LINGO2: variants seen among roughly 807,000 people sequenced by gnomAD.
The protein encoded by LINGO2 is leucine rich repeat and Ig domain containing 2.
In LINGO2, 14 loss-of-function variants were observed where a neutral mutation model predicts 30.6. The ratio of observed to expected loss-of-function variants is 0.46; its 90% CI spans 0.30 to 0.72. The LOEUF (loss-of-function observed/expected upper bound fraction) is 0.72, where lower values mean the gene tolerates loss of function less well. LINGO2 is among the 30% of genes least tolerant of loss of function. LINGO2 has a pLI of 0.07. For missense variants in LINGO2, 729 were observed against 751.7 expected (o/e 0.97, Z 0.35); for synonymous variants, 317 against 288.5 (o/e 1.10, Z -1.00).
intron 1 of LINGO2, among the ~76,000 whole-genome samples, chr9:28,653,032 C>T (rs1232782735): frequency 1.3e-5 from 2 of 152,012 alleles, no homozygotes; most frequent in African/African-American, 2.4e-5. Context: ...TTATAATTAA[C>T]CTCAAAATTA....
chr9:28,309,221 G>C (rs929436517), intron 3 of LINGO2, among the ~76,000 whole-genome samples: 8 of 152,084 alleles, frequency 5.3e-5, no homozygotes, highest in Non-Finnish European at 1.0e-4. Flanking sequence ...AGAAAATGTG[G>C]CACATATACA....
chr9:29,194,555 T>C, the LINGO2 span, among the ~76,000 whole-genome samples: 1 of 152,130 alleles, frequency 6.6e-6, no homozygotes, highest in Non-Finnish European at 1.5e-5. Context: ...TGTCCTTTGA[T>C]TTTTTAAAGT....
intron 4 of LINGO2, among the ~76,000 whole-genome samples, chr9:28,214,738 G>A (rs1437653598): frequency 1.3e-5 from 2 of 151,650 alleles, no homozygotes; most frequent in Non-Finnish European, 3.0e-5. Context: ...AAATGTAAGT[G>A]TAAATTCATG....
the LINGO2 span, among the ~76,000 whole-genome samples, chr9:29,095,120 T>C: frequency 1.4e-5 from 2 of 138,822 alleles, 1 homozygote; most frequent in Non-Finnish European, 3.1e-5. Flanking sequence ...CTTTGTTTCA[T>C]ACTCATTAAT....
chr9:29,152,911 C>A, the LINGO2 span, among the ~76,000 whole-genome samples: 1 of 152,182 alleles, frequency 6.6e-6, no homozygotes, highest in Admixed American at 6.5e-5. Context: ...TTATCAAATT[C>A]ACTTTTAAAG....
the LINGO2 span, among the ~76,000 whole-genome samples, chr9:28,934,798 C>G: frequency 6.6e-6 from 1 of 152,140 alleles, no homozygotes; most frequent in South Asian, 2.1e-4. Flanking sequence ...AAAATTGCTT[C>G]AATTTCCTCA....
chr9:28,968,487 C>T, the LINGO2 span, among the ~76,000 whole-genome samples: 39 of 152,210 alleles, frequency 2.6e-4, no homozygotes, highest in African/African-American at 9.4e-4. Context: ...ACTTGTCTAT[C>T]TTACTTACAA....
chr9:28,533,851 G>T (rs1185271268), intron 1 of LINGO2, among the ~76,000 whole-genome samples: 1 of 152,064 alleles, frequency 6.6e-6, no homozygotes, highest in Non-Finnish European at 1.5e-5. Context: ...GCTTAAAGGT[G>T]GTAGTGATTT....
At chr9:27,945,759 C>A (rs376628637), downstream of LINGO2, among the ~76,000 whole-genome samples, 1 of 152,074 alleles carries the variant, frequency 6.6e-6, no homozygotes, top group Non-Finnish European at 1.5e-5. Context: ...AAAGCACCAG[C>A]GTTTCACTCA....
chr9:28,122,039 T>G (rs1463800067), intron 4 of LINGO2, among the ~76,000 whole-genome samples: 4 of 152,012 alleles, frequency 2.6e-5, no homozygotes, highest in Non-Finnish European at 4.4e-5. Context: ...CATGGAAAAA[T>G]CAGAGCTGGG....
intron 1 of LINGO2, among the ~76,000 whole-genome samples, chr9:28,587,722 T>G (rs1044659184): frequency 4.6e-5 from 7 of 151,760 alleles, no homozygotes; most frequent in African/African-American, 1.7e-4. Context: ...GAGGGAATCT[T>G]AGCACAAAAA....
intron 4 of LINGO2, among the ~76,000 whole-genome samples, chr9:28,017,142 C>T (rs146830192): frequency 2.0e-5 from 3 of 152,188 alleles, no homozygotes; most frequent in Non-Finnish European, 2.9e-5. Flanking sequence ...AGCCAACATC[C>T]CTTCATGTTA....
At chr9:28,127,401 C>T (rs1827267172) in intron 4 of LINGO2, among the ~76,000 whole-genome samples, 1 of 152,174 alleles carries the variant, frequency 6.6e-6, no homozygotes, top group South Asian at 2.1e-4. Context: ...AGATGCCCTC[C>T]CAATACTGCA....
At chr9:27,973,164 G>T (rs1304389332) in intron 5 of LINGO2, among the ~76,000 whole-genome samples, 1 of 152,136 alleles carries the variant, frequency 6.6e-6, no homozygotes, top group Admixed American at 6.6e-5. Context: ...ATAAATCTGT[G>T]TGTAAGTTTG....
the LINGO2 span, among the ~76,000 whole-genome samples, chr9:28,891,716 A>G: frequency 6.6e-6 from 1 of 151,934 alleles, no homozygotes; most frequent in African/African-American, 2.4e-5. Context: ...CTCTTTGACA[A>G]CCTTTCTGCT....
chr9:28,548,246 A>G (rs1441955926), intron 1 of LINGO2, among the ~76,000 whole-genome samples: 1 of 152,146 alleles, frequency 6.6e-6, no homozygotes, highest in Non-Finnish European at 1.5e-5. Flanking sequence ...AGGGACTGTT[A>G]CGTAGGATAA....
At chr9:29,154,859 G>A in the LINGO2 span, among the ~76,000 whole-genome samples, 1 of 152,254 alleles carries the variant, frequency 6.6e-6, no homozygotes, top group Admixed American at 6.5e-5. Flanking sequence ...AAGAAGTGTT[G>A]ATGTTACTGT....
chr9:28,189,301 A>G (rs766459271), intron 4 of LINGO2, among the ~76,000 whole-genome samples: 3,245 of 12,284 alleles, frequency 0.26, 119 homozygotes, highest in Middle Eastern at 0.4. Flanking sequence ...GGAAGGAAGG[A>G]AGGGAGGAAG....
intron 1 of LINGO2, among the ~76,000 whole-genome samples, chr9:28,581,450 T>G (rs570727726): frequency 5.9e-5 from 9 of 151,598 alleles, no homozygotes; most frequent in Non-Finnish European, 5.9e-5. Flanking sequence ...ATGATTTGAT[T>G]TTTTTAAAAA....
Sources: allele counts gnomAD v4.1 joint callset (sites outside exome capture counted in the v4.1 genomes callset), GRCh38; gene constraint gnomAD v4.1.1; transcripts MANE v1.5; gene names NCBI Gene and HGNC (gene_info 2026-07-23, HGNC 2026-07-21).